The following CADM2 variants were observed in gnomAD, a reference collection of about 807,000 sequenced individuals.
The protein encoded by CADM2 is cell adhesion molecule 2, also known as immunoglobulin superfamily member 4D.
CADM2 carries 12 observed loss-of-function variants against 49.8 expected under a neutral mutation model. The ratio of observed to expected loss-of-function variants is 0.24; its 90% CI spans 0.15 to 0.39. CADM2 has a LOEUF of 0.39. Among genes scored for constraint, CADM2 ranks in the 10% least tolerant of loss-of-function variants. The pLI is 1.00. For missense variants in CADM2, 378 were observed against 492.3 expected (o/e 0.77, Z 2.20); for synonymous variants, 214 against 175.4 (o/e 1.22, Z -1.74).
chr3:85,017,411 G>C (rs536510195), intron 1 of CADM2, among the ~76,000 whole-genome samples: 23 of 152,282 alleles, frequency 1.5e-4, no homozygotes, highest in African/African-American at 5.5e-4. Context: ...ACCTTTGCAT[G>C]AAGCTAAAAC....
intron 3 of CADM2, among the ~76,000 whole-genome samples, chr3:85,838,139 G>A (rs1164675870): frequency 6.6e-6 from 1 of 151,770 alleles, no homozygotes; most frequent in South Asian, 2.1e-4. Flanking sequence ...AGTGGTTAAA[G>A]AACCATCACT....
chr3:85,274,035 G>A (rs527956243), intron 1 of CADM2, among the ~76,000 whole-genome samples: 1 of 151,474 alleles, frequency 6.6e-6, no homozygotes, highest in Admixed American at 6.6e-5. Flanking sequence ...AGTGAGAAAG[G>A]TTAACTGGAT....
At chr3:85,139,749 A>G (rs1435375307) in intron 1 of CADM2, among the ~76,000 whole-genome samples, 1 of 152,162 alleles carries the variant, frequency 6.6e-6, no homozygotes, top group Admixed American at 6.6e-5. Context: ...AATTGTGTCC[A>G]TTTTTATGGG....
intron 8 of CADM2, among the ~76,000 whole-genome samples, chr3:86,021,996 A>G (rs6805498): frequency 0.17 from 25,600 of 152,074 alleles, 2,188 homozygotes; most frequent in South Asian, 0.24. Flanking sequence ...CACACACTCA[A>G]AAAAAGGTAA....
At chr3:85,408,763 C>T (rs1250021004) in intron 1 of CADM2, among the ~76,000 whole-genome samples, 1 of 152,126 alleles carries the variant, frequency 6.6e-6, no homozygotes, top group Non-Finnish European at 1.5e-5. Flanking sequence ...AAGGAGCAAA[C>T]ATATTTGAAA....
intron 1 of CADM2, among the ~76,000 whole-genome samples, chr3:85,310,458 G>A (rs2044316024): frequency 6.6e-6 from 1 of 152,060 alleles, no homozygotes; most frequent in South Asian, 2.1e-4. Context: ...AAGCATTTGG[G>A]CACCTATTGT....
At chr3:85,843,305 G>A (rs73845693) in intron 3 of CADM2, among the ~76,000 whole-genome samples, 7,682 of 151,960 alleles carry the variant, frequency 0.051, 548 homozygotes, top group African/African-American at 0.16. Context: ...CAGAAACATC[G>A]TCATCTAACC....
intron 1 of CADM2, among the ~76,000 whole-genome samples, chr3:85,705,244 A>G (rs907602946): frequency 1.1e-4 from 16 of 148,280 alleles, no homozygotes; most frequent in African/African-American, 3.7e-4. Context: ...AAAAAAAAAA[A>G]GAAATAAGCA....
intron 1 of CADM2, among the ~76,000 whole-genome samples, chr3:85,408,010 C>CAAAAAAAAAAAAAAAAAAAAAAA (rs372349246): frequency 3.0e-4 from 17 of 56,176 alleles, no homozygotes; most frequent in Non-Finnish European, 4.5e-4. Flanking sequence ...AAAACAAAAC[C>CAAAAAAAAAAAAAAAAAAAAAAA]AAAAAAAAAA....
chr3:86,040,155 A>G (rs1356410458), intron 8 of CADM2, among the ~76,000 whole-genome samples: 1 of 152,186 alleles, frequency 6.6e-6, no homozygotes, highest in African/African-American at 2.4e-5. Context: ...GAAAAACTGG[A>G]AACTCTAAAA....
intron 1 of CADM2, among the ~76,000 whole-genome samples, chr3:85,536,405 A>G (rs1345661328): frequency 6.6e-6 from 1 of 151,756 alleles, no homozygotes; most frequent in African/African-American, 2.4e-5. Context: ...AAAAAAAATG[A>G]TGTTTATGTT....
At chr3:86,012,579 G>A in intron 8 of CADM2, 2 of 1,558,760 alleles carry the variant, frequency 1.3e-6, no homozygotes, top group South Asian at 2.3e-5. Context: ...CTTCTGCGCT[G>A]CCCCCAACTG....
At chr3:85,398,405 T>C (rs561142442) in intron 1 of CADM2, among the ~76,000 whole-genome samples, 2 of 152,310 alleles carry the variant, frequency 1.3e-5, no homozygotes, top group Admixed American at 6.5e-5. Flanking sequence ...CAGTCTGTCA[T>C]TGATGGACAT....
chr3:86,022,750 C>G (rs1733357712), intron 8 of CADM2, among the ~76,000 whole-genome samples: 1 of 152,070 alleles, frequency 6.6e-6, no homozygotes, highest in Admixed American at 6.6e-5. Flanking sequence ...GCAAATTTAA[C>G]CTAGGTTATT....
Position 85,926,654 on chromosome 3 carries a change from G to GT in CADM2, c.701-9103dup, listed in dbSNP as rs773188714. Among the ~76,000 whole-genome samples, 729 of 148,510 alleles carry GT rather than the reference G, an allele frequency of 4.9e-3. 1 individual carries two copies. Among genetic ancestry groups the GT allele is most frequent in the Non-Finnish European group, 5.1e-3 (342 of 66,766 alleles). ...GTTAGTACAAATTTGCTATCGGGAG[G>GT]TTTTTTTTTTATATTATTTGTGGAT... On this transcript the variant is annotated intron_variant, in intron 6 of 9. Transcript: ENST00000383699.
At chr3:85,976,055 A>T (rs1726737160) in intron 8 of CADM2, among the ~76,000 whole-genome samples, 1 of 151,594 alleles carries the variant, frequency 6.6e-6, no homozygotes, top group Admixed American at 6.6e-5. Context: ...TATGGAAAAA[A>T]TTAATAAGTT....
chr3:85,718,500 A>G (rs1186415911), intron 1 of CADM2, among the ~76,000 whole-genome samples: 1 of 152,184 alleles, frequency 6.6e-6, no homozygotes, highest in Non-Finnish European at 1.5e-5. Context: ...TATTGGGACA[A>G]AAGTCATAAT....
chr3:85,258,521 C>T (rs2042941062), intron 1 of CADM2, among the ~76,000 whole-genome samples: 1 of 151,798 alleles, frequency 6.6e-6, no homozygotes, highest in Non-Finnish European at 1.5e-5. Flanking sequence ...AACTCACAGT[C>T]CCAATATTTG....
chr3:85,165,788 G>C (rs1026769384), intron 1 of CADM2, among the ~76,000 whole-genome samples: 7 of 151,724 alleles, frequency 4.6e-5, no homozygotes, highest in African/African-American at 1.7e-4. Flanking sequence ...AAGTGATACA[G>C]TATTTGCCTC....
Sources: allele counts gnomAD v4.1 joint callset (sites outside exome capture counted in the v4.1 genomes callset), GRCh38; gene constraint gnomAD v4.1.1; transcripts MANE v1.5; gene names NCBI Gene and HGNC (gene_info 2026-07-23, HGNC 2026-07-21).